PIP4P2: variants seen among roughly 807,000 people sequenced by gnomAD.
PIP4P2 encodes phosphatidylinositol-4,5-bisphosphate 4-phosphatase 2.
In PIP4P2, 19 loss-of-function variants were observed where a neutral mutation model predicts 33.3. That is an observed-to-expected ratio of 0.57 (90% CI 0.40 to 0.84). The LOEUF (loss-of-function observed/expected upper bound fraction) is 0.84. Ranked by LOEUF, PIP4P2 falls within the 40% of genes least tolerant of loss-of-function variation. The probability of loss-of-function intolerance (pLI) is 0.00; values close to 1 mark genes in which losing one functional copy is unlikely to be tolerated. For synonymous variants in PIP4P2, 110 were observed against 111.9 expected (o/e 0.98, Z 0.11); for missense variants, 270 against 324.7 (o/e 0.83, Z 1.29).
intron 1 of PIP4P2, among the ~76,000 whole-genome samples, chr8:91,026,386 CTTCCCAAGGAAGGA>C (rs1812085087): frequency 6.6e-6 from 1 of 152,118 alleles, no homozygotes; most frequent in Non-Finnish European, 1.5e-5. Context: ...GCCAGTGCTC[CTTCCCAAGGAAGGA>C]GTTCAGAGAG....
chr8:91,026,078 T>A (rs2130374729), intron 1 of PIP4P2, among the ~76,000 whole-genome samples: 1 of 152,244 alleles, frequency 6.6e-6, no homozygotes, highest in East Asian at 1.9e-4. Context: ...CTCTCTTTCG[T>A]GATGCTGGAG....
chr8:91,024,656 T>A (rs1586183588), intron 1 of PIP4P2, among the ~76,000 whole-genome samples: 1 of 152,218 alleles, frequency 6.6e-6, no homozygotes, highest in East Asian at 1.9e-4. Flanking sequence ...ATTTAAAAAG[T>A]CCACTGTAAT....
intron 4 of PIP4P2, among the ~76,000 whole-genome samples, chr8:91,015,610 T>A: frequency 6.6e-6 from 1 of 152,194 alleles, no homozygotes; most frequent in East Asian, 1.9e-4. Context: ...TGGACATAAA[T>A]TTAATTTTCT....
intron 1 of PIP4P2, among the ~76,000 whole-genome samples, chr8:91,037,491 G>A (rs774714790): frequency 3.9e-5 from 6 of 152,082 alleles, no homozygotes; most frequent in African/African-American, 7.2e-5. Context: ...ATACTCTCAA[G>A]GTATTGCATA....
At chr8:91,006,630 T>C (rs994957230) in intron 5 of PIP4P2, among the ~76,000 whole-genome samples, 1 of 152,202 alleles carries the variant, frequency 6.6e-6, no homozygotes, top group Admixed American at 6.5e-5. Context: ...TATGTATATA[T>C]AAAGCAACTA....
At chr8:91,014,627 C>G (rs897992666) in intron 4 of PIP4P2, among the ~76,000 whole-genome samples, 2 of 151,948 alleles carry the variant, frequency 1.3e-5, no homozygotes, top group Non-Finnish European at 2.9e-5. Flanking sequence ...TCAAAGAGTA[C>G]AAAGTCTCAG....
Position 91,040,688 on chromosome 8 carries a change from A to T in PIP4P2, c.62T>A (p.Val21Asp), listed in dbSNP as rs1812294072. The T allele has an allele frequency of 6.2e-7, 1 of 1,613,236 alleles. No homozygotes were observed. The highest frequency in any genetic ancestry group is 8.5e-7 in the Non-Finnish European group (1 of 1,180,018). ...PLLSASHSGN[V>D]TPTAPPYLQE... ...CAAGTACGGTGGGGCGGTGGGAGTG[A>T]CATTTCCGGAGTGGGATGCTGACAG... The change falls in exon 1 of 7, where the codon GTC (valine) becomes GAC (aspartate). Residue 21 changes from valine to aspartate, a missense_variant. Coordinates refer to ENST00000285419, the MANE Select transcript of PIP4P2 (RefSeq NM_018710.3).
chr8:91,013,467 T>G (rs901733746), intron 4 of PIP4P2, among the ~76,000 whole-genome samples: 1 of 152,170 alleles, frequency 6.6e-6, no homozygotes, highest in African/African-American at 2.4e-5. Flanking sequence ...TATATTTAAT[T>G]TAGTTAATTC....
At position 90,995,169 on chromosome 8, in the gene PIP4P2, AT is replaced by A. The variant is rs34411523; in HGVS notation, c.*507del. ...TGTCAAGTCTTTGAAGTTACACTAA[AT>A]TTTTTTTTTTTTCCTGAATAAGGTC... On this transcript the variant is annotated 3_prime_UTR_variant, in exon 7 of 7. Transcript: ENST00000285419. The A allele has an allele frequency of 0.47, 70,944 of 149,502 alleles. 19,897 individuals are homozygous for A. Among genetic ancestry groups the A allele is most frequent in the Non-Finnish European group, 0.64 (42,786 of 67,238 alleles). 9.3% of individuals were successfully genotyped at this position (149,502 alleles called of 1,614,324 possible).
At chr8:90,999,706 A>G (rs1247437245) in intron 5 of PIP4P2, among the ~76,000 whole-genome samples, 2 of 152,084 alleles carry the variant, frequency 1.3e-5, no homozygotes, top group Non-Finnish European at 1.5e-5. Flanking sequence ...TATTAACATT[A>G]CATTTTAATG....
At chr8:91,019,405 A>T (rs1402028197) in intron 3 of PIP4P2, among the ~76,000 whole-genome samples, 3 of 138,614 alleles carry the variant, frequency 2.2e-5, no homozygotes, top group Non-Finnish European at 4.8e-5. Flanking sequence ...CAAAAAAAAA[A>T]AAAAAAAAAA....
At position 90,994,840 on chromosome 8, in the gene PIP4P2, T is replaced by C. The variant is rs1182143925; in HGVS notation, c.*837A>G. ...TGTAAATATATCTTTGGATAAATGG[T>C]TAAGTATTATAAAACATGTTATGTG... On this transcript the variant is annotated 3_prime_UTR_variant, in exon 7 of 7. Coordinates refer to ENST00000285419, the MANE Select transcript of PIP4P2 (RefSeq NM_018710.3). The C allele has an allele frequency of 6.6e-6, 1 of 152,140 alleles. No individual in the cohort carries two copies. Among genetic ancestry groups the C allele is most frequent in the Non-Finnish European group, 1.5e-5 (1 of 67,948 alleles). The allele number at this position is 152,140 out of a possible 1,614,324, so 9.4% of individuals were successfully genotyped here.
At position 91,020,240 on chromosome 8, in the gene PIP4P2, G is replaced by A; in HGVS notation, c.279C>T (p.Gly93=). Reference sequence around the variant, plus strand: ...TACAAGGGCATCTAACATATTTCTTGCCTGTTGGGGGGTTTTTGATTGGCT... The same window carrying A: ...TACAAGGGCATCTAACATATTTCTTACCTGTTGGGGGGTTTTTGATTGGCT... ...EATPIKNPPT[G]KKYVRCPCNC... Residue 93 remains glycine, a synonymous_variant, in exon 3 of 7, where the codon GGC becomes GGT. Transcript: ENST00000285419. 1 of 1,613,694 alleles carries A rather than the reference G, an allele frequency of 6.2e-7. No homozygotes were observed. The highest frequency in any genetic ancestry group is 8.5e-7 in the Non-Finnish European group (1 of 1,179,768).
At chr8:91,011,869 T>G (rs1314480249) in intron 4 of PIP4P2, among the ~76,000 whole-genome samples, 1 of 152,058 alleles carries the variant, frequency 6.6e-6, no homozygotes, top group African/African-American at 2.4e-5. Context: ...ATGGAGAAGC[T>G]AGTCTCTAGC....
chr8:91,020,055 C>A, intron 3 of PIP4P2, 102 bp downstream of exon 3: 13 of 1,165,776 alleles, frequency 1.1e-5, no homozygotes, highest in South Asian at 3.2e-5. Context: ...ACTTTGAAAA[C>A]AAAAACTCTT....
chr8:91,012,967 TTTGA>T (rs1811859087), intron 4 of PIP4P2, among the ~76,000 whole-genome samples: 1 of 152,178 alleles, frequency 6.6e-6, no homozygotes, highest in Non-Finnish European at 1.5e-5. Flanking sequence ...CAACTGTCTT[TTTGA>T]TTGTTCTTTT....
At chr8:91,035,768 C>A (rs1812224439) in intron 1 of PIP4P2, among the ~76,000 whole-genome samples, 1 of 152,094 alleles carries the variant, frequency 6.6e-6, no homozygotes, top group African/African-American at 2.4e-5. Flanking sequence ...GTGGCTCATG[C>A]CTGTAATCCT....
intron 4 of PIP4P2, among the ~76,000 whole-genome samples, chr8:91,011,609 T>A (rs1378178860): frequency 6.6e-6 from 1 of 152,050 alleles, no homozygotes; most frequent in Non-Finnish European, 1.5e-5. Flanking sequence ...TTTAATTTTT[T>A]AATCCTAGCA....
chr8:91,004,837 A>C (rs1811746403), intron 5 of PIP4P2, among the ~76,000 whole-genome samples: 1 of 152,134 alleles, frequency 6.6e-6, no homozygotes. Flanking sequence ...ATTGGATGAG[A>C]CCTGGAGAGT....
Sources: allele counts gnomAD v4.1 joint callset (sites outside exome capture counted in the v4.1 genomes callset), GRCh38; gene constraint gnomAD v4.1.1; transcripts MANE v1.5; gene names NCBI Gene and HGNC (gene_info 2026-07-23, HGNC 2026-07-21).